The following TMTC1 variants were observed in gnomAD, a reference collection of about 807,000 sequenced individuals.
The protein encoded by TMTC1 is protein O-mannosyl-transferase TMTC1.
TMTC1 carries 73 observed loss-of-function variants against 104.8 expected under a neutral mutation model. The ratio of observed to expected loss-of-function variants is 0.70; its 90% CI spans 0.58 to 0.85. The LOEUF is 0.85. TMTC1 is among the 40% of genes least tolerant of loss of function. The pLI, the probability that TMTC1 is intolerant of heterozygous loss-of-function variation, is 0.00. For synonymous variants in TMTC1, 434 were observed against 428.7 expected (o/e 1.01, Z -0.15); for missense variants, 1,035 against 1,096.1 (o/e 0.94, Z 0.79).
At chr12:29,710,606 T>A (rs1941876209) in intron 5 of TMTC1, among the ~76,000 whole-genome samples, 1 of 142,966 alleles carries the variant, frequency 7.0e-6, no homozygotes, top group African/African-American at 2.6e-5. Context: ...ATACTTATAA[T>A]TTTTTATATT....
intron 5 of TMTC1, among the ~76,000 whole-genome samples, chr12:29,645,599 A>T (rs899140025): frequency 6.6e-6 from 1 of 152,180 alleles, no homozygotes; most frequent in Non-Finnish European, 1.5e-5. Flanking sequence ...ATCTGCAAAA[A>T]AGGAAATACA....
chr12:29,514,651 G>A (rs200158888), intron 15 of TMTC1, 47 bp from the exon 16 acceptor site: 13 of 1,572,340 alleles, frequency 8.3e-6, no homozygotes. Context: ...ATTAGGTAAA[G>A]AAAAACTTAT....
At chr12:29,695,584 C>T (rs533132628) in intron 5 of TMTC1, among the ~76,000 whole-genome samples, 7 of 151,956 alleles carry the variant, frequency 4.6e-5, no homozygotes, top group Non-Finnish European at 8.8e-5. Flanking sequence ...GGATTACAGG[C>T]GTGAGCCACC....
chr12:29,557,652 G>A (rs955042897), intron 9 of TMTC1, among the ~76,000 whole-genome samples: 38 of 152,108 alleles, frequency 2.5e-4, no homozygotes, highest in African/African-American at 8.9e-4. Flanking sequence ...GTTTCGCCAT[G>A]TTGGCCAGGC....
chr12:29,661,232 C>A (rs1396876990), intron 5 of TMTC1: 1 of 382,016 alleles, frequency 2.6e-6, no homozygotes, highest in Non-Finnish European at 3.6e-6. Flanking sequence ...CCCATCGAAT[C>A]CCAAATAACC....
At chr12:29,571,368 G>A (rs1389264641) in intron 9 of TMTC1, among the ~76,000 whole-genome samples, 1 of 152,014 alleles carries the variant, frequency 6.6e-6, no homozygotes, top group African/African-American at 2.4e-5. Context: ...ATTCAAAAGA[G>A]TACCTGAAGC....
chr12:29,538,473 A>G (rs1315697555), intron 10 of TMTC1, among the ~76,000 whole-genome samples: 1 of 152,170 alleles, frequency 6.6e-6, no homozygotes, highest in African/African-American at 2.4e-5. Context: ...TTTGAAAATT[A>G]AGGCTGAAAA....
intron 5 of TMTC1, among the ~76,000 whole-genome samples, chr12:29,718,064 A>C (rs566868427): frequency 6.6e-6 from 1 of 152,286 alleles, no homozygotes; most frequent in South Asian, 2.1e-4. Context: ...ATTTATGCTA[A>C]TGGCGAAGTA....
At chr12:29,770,441 G>A (rs1038435667) in intron 1 of TMTC1, among the ~76,000 whole-genome samples, 4 of 152,094 alleles carry the variant, frequency 2.6e-5, no homozygotes, top group African/African-American at 7.2e-5. Flanking sequence ...GACTTCTGAC[G>A]GTTGGCTTAA....
rs563352506 is a variant in TMTC1 at position 29,754,837 on chromosome 12, C to T, written c.731+872G>A. The stretch of plus-strand genomic sequence containing the variant: ...TTTCCTGACTCATCTCAGCGTGTTG[C>T]CACTCAATATCACTGCTCTTATCTT... On this transcript the variant is annotated intron_variant, in intron 4 of 17. Coordinates refer to ENST00000539277, the MANE Select transcript of TMTC1 (RefSeq NM_001193451.2). 4.6e-5 allele frequency among the ~76,000 whole-genome samples: 7 copies of T among 152,182 alleles called. No individual in the cohort carries two copies. The East Asian group carries it at 9.7e-4, about 21-fold the overall frequency.
intron 5 of TMTC1, among the ~76,000 whole-genome samples, chr12:29,666,678 A>T (rs1367290090): frequency 2.0e-5 from 3 of 152,152 alleles, no homozygotes; most frequent in African/African-American, 7.2e-5. Flanking sequence ...CATTTCCCTT[A>T]CCCGGAATAC....
chr12:29,651,899 G>A lies in TMTC1; in HGVS notation c.939-18563C>T, dbSNP rs763617431. Among the ~76,000 whole-genome samples, 85 of 132,882 alleles carry A rather than the reference G, an allele frequency of 6.4e-4. 1 individual carries two copies. Among genetic ancestry groups the A allele is most frequent in the Non-Finnish European group, 1.1e-3 (69 of 61,062 alleles). 87.2% of individuals were successfully genotyped at this position (132,882 alleles called of 152,430 possible). On this transcript the variant is annotated intron_variant, in intron 5 of 17. Coordinates refer to ENST00000539277, the MANE Select transcript of TMTC1 (RefSeq NM_001193451.2). ...AGCAAATAACTGAAGCAAAAAACTT[G>A]CCCAAAAAAAAAAAAAATTAGCCAT...
intron 5 of TMTC1, among the ~76,000 whole-genome samples, chr12:29,662,708 A>G (rs1291578606): frequency 6.6e-6 from 1 of 151,246 alleles, no homozygotes; most frequent in East Asian, 1.9e-4. Context: ...TACAAAACAC[A>G]TGTGGCTCCT....
intron 5 of TMTC1, among the ~76,000 whole-genome samples, chr12:29,717,940 A>T (rs1942130740): frequency 6.6e-6 from 1 of 152,222 alleles, no homozygotes; most frequent in Admixed American, 6.5e-5. Flanking sequence ...CAGAAAGAAA[A>T]ATTCTACAAT....
chr12:29,518,749 A>T (rs1223284953), intron 12 of TMTC1, 142 bp from the exon 13 acceptor site: 1 of 1,068,826 alleles, frequency 9.4e-7, no homozygotes, highest in East Asian at 2.6e-5. Flanking sequence ...ATTAGCTTGC[A>T]TTTCAGCTTC....
chr12:29,589,583 A>G (rs1395768662), intron 7 of TMTC1, among the ~76,000 whole-genome samples: 1 of 152,186 alleles, frequency 6.6e-6, no homozygotes, highest in Non-Finnish European at 1.5e-5. Flanking sequence ...CTCAATAGTC[A>G]TTTTCTGCCT....
intron 6 of TMTC1, among the ~76,000 whole-genome samples, chr12:29,609,627 C>T (rs1189370276): frequency 2.0e-5 from 3 of 152,176 alleles, no homozygotes; most frequent in Non-Finnish European, 4.4e-5. Context: ...TAATACAGAC[C>T]GCATCTGATG....
intron 12 of TMTC1, among the ~76,000 whole-genome samples, chr12:29,518,971 TA>T (rs1944070875): frequency 6.6e-6 from 1 of 152,198 alleles, no homozygotes; most frequent in African/African-American, 2.4e-5. Context: ...TCTCATTATA[TA>T]AAAAATAGAA....
chr12:29,757,918 C>T (rs1943252712), intron 3 of TMTC1, among the ~76,000 whole-genome samples: 1 of 151,964 alleles, frequency 6.6e-6, no homozygotes. Context: ...CATGATTCAA[C>T]TACCTCCCAC....
Sources: allele counts gnomAD v4.1 joint callset (sites outside exome capture counted in the v4.1 genomes callset), GRCh38; gene constraint gnomAD v4.1.1; transcripts MANE v1.5; gene names NCBI Gene and HGNC (gene_info 2026-07-23, HGNC 2026-07-21).